Variants in KLHL1 observed in about 807,000 individuals in gnomAD.
KLHL1 encodes kelch like family member 1.
KLHL1 carries 47 observed loss-of-function variants against 77.7 expected under a neutral mutation model. The observed-to-expected ratio is 0.60, with a 90% CI of 0.48 to 0.77. The LOEUF is 0.77. KLHL1 is among the 30% of genes least tolerant of loss of function. The pLI is 0.00. For synonymous variants in KLHL1, 360 were observed against 325.2 expected (o/e 1.11, Z -1.15); for missense variants, 925 against 910.8 (o/e 1.02, Z -0.20).
intron 3 of KLHL1, among the ~76,000 whole-genome samples, chr13:69,950,035 A>G (rs1420291685): frequency 6.6e-6 from 1 of 151,672 alleles, no homozygotes; most frequent in Non-Finnish European, 1.5e-5. Context: ...TCCTAGAGCT[A>G]ATTAATCTGT....
chr13:69,879,425 C>T (rs1880898396), intron 5 of KLHL1, among the ~76,000 whole-genome samples: 1 of 152,014 alleles, frequency 6.6e-6, no homozygotes, highest in South Asian at 2.1e-4. Flanking sequence ...ATTCTATCTT[C>T]TCTTGGTAGC....
intron 4 of KLHL1, among the ~76,000 whole-genome samples, chr13:69,909,042 T>C: frequency 6.7e-6 from 1 of 149,700 alleles, no homozygotes; most frequent in East Asian, 1.9e-4. Context: ...CTTCTGATTA[T>C]TTACCTCATA....
intron 5 of KLHL1, among the ~76,000 whole-genome samples, chr13:69,880,604 A>C (rs1880951291): frequency 6.6e-6 from 1 of 152,178 alleles, no homozygotes; most frequent in African/African-American, 2.4e-5. Context: ...TATAATGTAT[A>C]GCCTTAGGAA....
chr13:69,802,407 T>C (rs548122962), intron 6 of KLHL1, among the ~76,000 whole-genome samples: 47 of 152,202 alleles, frequency 3.1e-4, no homozygotes, highest in African/African-American at 1.0e-3. Context: ...TGAGTGAGAT[T>C]CTCAAAGTAT....
intron 1 of KLHL1, among the ~76,000 whole-genome samples, chr13:69,984,700 C>A (rs140310961): frequency 4.6e-5 from 7 of 152,226 alleles, no homozygotes; most frequent in Non-Finnish European, 7.4e-5. Context: ...GCCTATTAAA[C>A]CTCCGCTCTT....
intron 1 of KLHL1, among the ~76,000 whole-genome samples, chr13:70,035,026 T>A (rs767679942): frequency 7.9e-5 from 12 of 151,988 alleles, no homozygotes; most frequent in African/African-American, 2.9e-4. Context: ...TATAGAATAA[T>A]TAAGCACACT....
intron 4 of KLHL1, among the ~76,000 whole-genome samples, chr13:69,909,942 G>A (rs1392474526): frequency 6.6e-6 from 1 of 151,984 alleles, no homozygotes; most frequent in African/African-American, 2.4e-5. Flanking sequence ...CAGCGTCAAG[G>A]ATCCTTTCCT....
chr13:69,880,578 G>A (rs1387823673), intron 5 of KLHL1, among the ~76,000 whole-genome samples: 1 of 151,930 alleles, frequency 6.6e-6, no homozygotes, highest in Non-Finnish European at 1.5e-5. Flanking sequence ...GAACCAATAA[G>A]AAATAAAATT....
At chr13:69,789,347 CAA>C (rs1202538001) in intron 7 of KLHL1, among the ~76,000 whole-genome samples, 18 of 151,322 alleles carry the variant, frequency 1.2e-4, no homozygotes, top group Non-Finnish European at 2.1e-4. Flanking sequence ...TATAAAAAAT[CAA>C]AATATTATTA....
intron 1 of KLHL1, among the ~76,000 whole-genome samples, chr13:70,040,123 T>A (rs2137378235): frequency 6.6e-6 from 1 of 152,286 alleles, no homozygotes; most frequent in African/African-American, 2.4e-5. Flanking sequence ...CATGCATTGG[T>A]AATCACAGTA....
chr13:69,946,682 A>ATTTTTATT (rs900437779), intron 3 of KLHL1, among the ~76,000 whole-genome samples: 1 of 151,864 alleles, frequency 6.6e-6, no homozygotes, highest in Non-Finnish European at 1.5e-5. Flanking sequence ...TCAGCTATTT[A>ATTTTTATT]TTTTTATTTT....
At chr13:70,058,866 T>C (rs1449642621) in intron 1 of KLHL1, among the ~76,000 whole-genome samples, 2 of 152,104 alleles carry the variant, frequency 1.3e-5, no homozygotes, top group Non-Finnish European at 2.9e-5. Flanking sequence ...AACAGACACA[T>C]AGACCAATGG....
intron 3 of KLHL1, among the ~76,000 whole-genome samples, chr13:69,940,522 G>A (rs988913761): frequency 4.0e-5 from 6 of 151,886 alleles, no homozygotes; most frequent in Non-Finnish European, 5.9e-5. Context: ...GTGAAATAAG[G>A]AAAATAGAAA....
rs143555811 is a variant in KLHL1, at chr13:69,997,682, T to A, written c.498-21880A>T. On this transcript the variant is annotated intron_variant, in intron 1 of 10. Transcript: ENST00000377844. The stretch of plus-strand genomic sequence containing the variant: ...AATAATATATTATATATAATATTAC[T>A]TATATATATAATATAAATACATTGA... Among the ~76,000 whole-genome samples the A allele has an allele frequency of 4.4e-3, 649 of 146,156 alleles. 1 individual carries two copies. The highest frequency in any genetic ancestry group is 5.9e-3 in the Non-Finnish European group (397 of 66,730).
chr13:69,805,628 T>C (rs908915826), intron 6 of KLHL1, among the ~76,000 whole-genome samples: 1 of 151,126 alleles, frequency 6.6e-6, no homozygotes. Context: ...GGTAGCACCA[T>C]TAAGAGCAAA....
chr13:69,983,161 A>C (rs1301749917), intron 1 of KLHL1, among the ~76,000 whole-genome samples: 4 of 152,196 alleles, frequency 2.6e-5, no homozygotes, highest in African/African-American at 4.8e-5. Context: ...AGATTTCTAC[A>C]ATGAAAACTA....
chr13:70,007,627 A>T (rs576817616), intron 1 of KLHL1, among the ~76,000 whole-genome samples: 1 of 152,058 alleles, frequency 6.6e-6, no homozygotes, highest in African/African-American at 2.4e-5. Context: ...GGGAAATAGG[A>T]TCTGTCTTTA....
chr13:69,799,147 G>A (rs1440599058), intron 6 of KLHL1, among the ~76,000 whole-genome samples: 2 of 151,496 alleles, frequency 1.3e-5, no homozygotes, highest in African/African-American at 2.4e-5. Context: ...ATATTTGACC[G>A]ATGATGGCAG....
intron 6 of KLHL1, among the ~76,000 whole-genome samples, chr13:69,826,607 A>G (rs567632654): frequency 7.1e-4 from 107 of 151,368 alleles, no homozygotes; most frequent in Non-Finnish European, 1.2e-3. Flanking sequence ...AGAAATGCTG[A>G]GAGTAGATTT....
Sources: gnomAD v4.1 joint callset for allele counts (sites outside exome capture counted in the v4.1 genomes callset) on GRCh38, gnomAD v4.1.1 for gene constraint, MANE v1.5 for transcripts, NCBI Gene and HGNC (gene_info 2026-07-23, HGNC 2026-07-21) for gene names.